Variants in TMEM131 observed in about 807,000 individuals in gnomAD.
TMEM131 encodes the protein 2610524E03Rik.
A neutral mutation model predicts 211.6 loss-of-function variants in TMEM131; 66 were observed. That is an observed-to-expected ratio of 0.31 (90% CI 0.26 to 0.38). The LOEUF is 0.38. Among genes scored for constraint, TMEM131 ranks in the 10% least tolerant of loss-of-function variants. The pLI, the probability that TMEM131 is intolerant of heterozygous loss-of-function variation, is 1.00. For missense variants in TMEM131, 2,036 were observed against 2,299.3 expected (o/e 0.89, Z 2.34); for synonymous variants, 844 against 841.3 (o/e 1.00, Z -0.06).
In TMEM131 at chr2:97,892,902, C is replaced by CT. The variant is rs573815521; in HGVS notation, c.291-4783dup. On this transcript the variant is annotated intron_variant, in intron 3 of 40. Coordinates refer to ENST00000186436, the MANE Select transcript of TMEM131 (RefSeq NM_015348.2). The stretch of plus-strand genomic sequence containing the variant: ...GCCTACTATCATTTGTTGAAAAAGA[C>CT]TTTTTTTTAATATACTTTAAATTCT... 1.9e-3 allele frequency among the ~76,000 whole-genome samples: 284 copies of CT among 151,858 alleles called. 1 individual carries two copies. The highest frequency in any genetic ancestry group is 9.4e-3 in the South Asian group (45 of 4,800).
chr2:97,945,396 G>A (rs1222925387), intron 1 of TMEM131, among the ~76,000 whole-genome samples: 1 of 152,094 alleles, frequency 6.6e-6, no homozygotes, highest in African/African-American at 2.4e-5. Context: ...ACAAGTCTAT[G>A]AGTATACTTC....
intron 1 of TMEM131, among the ~76,000 whole-genome samples, chr2:97,957,780 C>A (rs1459870028): frequency 6.6e-6 from 1 of 152,158 alleles, no homozygotes; most frequent in Non-Finnish European, 1.5e-5. Flanking sequence ...AGTTTCAAAA[C>A]TAGGCCTCTG....
chr2:97,870,213 T>C (rs1674436280), intron 4 of TMEM131, among the ~76,000 whole-genome samples: 1 of 152,174 alleles, frequency 6.6e-6, no homozygotes, highest in Non-Finnish European at 1.5e-5. Context: ...AAATCCTCTA[T>C]AGCAACACCT....
chr2:97,845,238 G>A (rs1199923107), intron 5 of TMEM131, among the ~76,000 whole-genome samples: 1 of 151,978 alleles, frequency 6.6e-6, no homozygotes, highest in African/African-American at 2.4e-5. Flanking sequence ...AGATAGAATG[G>A]GAATACTGGC....
At chr2:97,809,152 C>A (rs1230475502) in intron 19 of TMEM131, among the ~76,000 whole-genome samples, 1 of 152,174 alleles carries the variant, frequency 6.6e-6, no homozygotes, top group Non-Finnish European at 1.5e-5. Context: ...ACTTCATATT[C>A]CCATGAACTT....
At chr2:97,995,169 T>C (rs934552526) in intron 1 of TMEM131, among the ~76,000 whole-genome samples, 1 of 152,224 alleles carries the variant, frequency 6.6e-6, no homozygotes, top group Non-Finnish European at 1.5e-5. Context: ...AATGTACCTA[T>C]TCGCCGCAAT....
At chr2:97,759,249 A>C in intron 39 of TMEM131, 196 bp from the exon 40 acceptor site, 1 of 630,172 alleles carries the variant, frequency 1.6e-6, no homozygotes, top group Non-Finnish European at 2.7e-6. Context: ...GCACGAGCTG[A>C]TATGCCACCA....
At chr2:97,937,431 T>C (rs1677496759) in intron 1 of TMEM131, among the ~76,000 whole-genome samples, 1 of 151,998 alleles carries the variant, frequency 6.6e-6, no homozygotes, top group South Asian at 2.1e-4. Flanking sequence ...CAAAACACCA[T>C]CTGTACAACA....
chr2:97,889,627 T>C (rs956677070), intron 3 of TMEM131, among the ~76,000 whole-genome samples: 4 of 150,260 alleles, frequency 2.7e-5, no homozygotes, highest in Admixed American at 1.3e-4. Flanking sequence ...AATTCCTATA[T>C]ATTAATTCCA....
chr2:97,839,217 C>T (rs1290092951), intron 7 of TMEM131, among the ~76,000 whole-genome samples: 2 of 152,162 alleles, frequency 1.3e-5, no homozygotes, highest in Middle Eastern at 3.4e-3. Flanking sequence ...GTCCCAACTA[C>T]TCAGGAGACT....
At chr2:97,873,177 G>A (rs1166808269) in intron 4 of TMEM131, among the ~76,000 whole-genome samples, 1 of 152,242 alleles carries the variant, frequency 6.6e-6, no homozygotes, top group East Asian at 1.9e-4. Flanking sequence ...GCTCAGCACG[G>A]CCGCTGTGGC....
intron 19 of TMEM131, among the ~76,000 whole-genome samples, chr2:97,808,403 T>C (rs1300058421): frequency 6.6e-6 from 1 of 152,254 alleles, no homozygotes; most frequent in African/African-American, 2.4e-5. Context: ...TATTCCTGAA[T>C]GGACTGCACC....
chr2:97,821,913 T>C (rs1046201281), intron 11 of TMEM131, among the ~76,000 whole-genome samples: 1 of 152,150 alleles, frequency 6.6e-6, no homozygotes, highest in Admixed American at 6.5e-5. Context: ...TGGGCTGAGC[T>C]GAGGGTCAAC....
chr2:97,838,756 TTTTG>T (rs879803546), intron 7 of TMEM131, among the ~76,000 whole-genome samples: 210 of 152,300 alleles, frequency 1.4e-3, no homozygotes, highest in African/African-American at 4.7e-3. Flanking sequence ...TAAAGGTTTT[TTTTG>T]TTTGTTTGTT....
At chr2:97,898,408 A>C (rs1031320833) in intron 3 of TMEM131, among the ~76,000 whole-genome samples, 2 of 152,116 alleles carry the variant, frequency 1.3e-5, no homozygotes, top group Non-Finnish European at 2.9e-5. Flanking sequence ...CCCCACTATG[A>C]CTATTATGTG....
chr2:97,925,967 C>A (rs1676972370), intron 2 of TMEM131, among the ~76,000 whole-genome samples: 1 of 151,928 alleles, frequency 6.6e-6, no homozygotes, highest in South Asian at 2.1e-4. Flanking sequence ...AAAAAATTAG[C>A]TGGGCATGGT....
intron 1 of TMEM131, among the ~76,000 whole-genome samples, chr2:97,987,787 A>G (rs1305736054): frequency 1.3e-5 from 2 of 152,222 alleles, no homozygotes; most frequent in Non-Finnish European, 2.9e-5. Context: ...AGATTTGTAC[A>G]CTGAAAACTA....
intron 5 of TMEM131, among the ~76,000 whole-genome samples, chr2:97,855,482 T>C (rs1673803646): frequency 6.6e-6 from 1 of 152,168 alleles, no homozygotes; most frequent in African/African-American, 2.4e-5. Flanking sequence ...GGCAGATTGC[T>C]TGAGGCTAGG....
chr2:97,908,797 C>G (rs1676177848), intron 2 of TMEM131, 99 bp from the exon 3 acceptor site: 7 of 971,852 alleles, frequency 7.2e-6, no homozygotes, highest in Middle Eastern at 3.3e-4. Flanking sequence ...TTTCAACATT[C>G]ATTTTATACC....
Sources: allele counts gnomAD v4.1 joint callset (sites outside exome capture counted in the v4.1 genomes callset), GRCh38; gene constraint gnomAD v4.1.1; transcripts MANE v1.5; gene names NCBI Gene and HGNC (gene_info 2026-07-23, HGNC 2026-07-21).